TBC1D2B: variants seen among roughly 807,000 people sequenced by gnomAD.
The protein encoded by TBC1D2B is TBC1 domain family member 2B.
TBC1D2B carries 64 observed loss-of-function variants against 100.8 expected under a neutral mutation model. The observed-to-expected ratio is 0.64, with a 90% confidence interval of 0.52 to 0.78. The LOEUF (loss-of-function observed/expected upper bound fraction) is 0.78. Ranked by LOEUF, TBC1D2B falls within the 30% of genes least tolerant of loss-of-function variation. The probability of loss-of-function intolerance (pLI) is 0.00; values close to 1 mark genes in which losing one functional copy is unlikely to be tolerated. For synonymous variants in TBC1D2B, 480 were observed against 479.7 expected, an observed-to-expected ratio of 1.00 and a Z score of -0.01; for missense variants, 1,052 against 1,218.4, an observed-to-expected ratio of 0.86 and a Z score of 2.03.
intron 1 of TBC1D2B, 80 bp downstream of exon 1, chr15:78,077,213 G>T: frequency 7.2e-7 from 1 of 1,389,400 alleles, no homozygotes; most frequent in South Asian, 1.6e-5. Context: ...GGAGGAAGGA[G>T]GGTGGATGGC....
At chr15:78,008,800 G>A (rs1229054087) in intron 10 of TBC1D2B, among the ~76,000 whole-genome samples, 197 bp downstream of exon 10, 1 of 152,188 alleles carries the variant, frequency 6.6e-6, no homozygotes, top group Admixed American at 6.5e-5. Context: ...GGCTGAATGA[G>A]CCCAACTCGG....
chr15:78,031,545 C>G (rs2072809437), intron 3 of TBC1D2B, among the ~76,000 whole-genome samples: 1 of 59,852 alleles, frequency 1.7e-5, no homozygotes, highest in Non-Finnish European at 3.3e-5. Flanking sequence ...TAGAGCAAGA[C>G]TCTGTCTCCA....
chr15:78,039,487 G>A (rs1323150192), intron 3 of TBC1D2B, among the ~76,000 whole-genome samples: 2 of 152,176 alleles, frequency 1.3e-5, no homozygotes, highest in Non-Finnish European at 2.9e-5. Context: ...ATGGGAGGCA[G>A]GCCTGGAAGG....
At chr15:78,013,687 C>T (rs931397815) in intron 8 of TBC1D2B, among the ~76,000 whole-genome samples, 2 of 151,934 alleles carry the variant, frequency 1.3e-5, no homozygotes, top group Admixed American at 6.6e-5. Flanking sequence ...ATATACACTA[C>T]ATATGTATAA....
intron 9 of TBC1D2B, among the ~76,000 whole-genome samples, chr15:78,012,281 A>G (rs115040954): frequency 0.012 from 1,871 of 152,306 alleles, 55 homozygotes; most frequent in African/African-American, 0.043. Flanking sequence ...CAGGAGGATG[A>G]GCCTACATCA....
intron 1 of TBC1D2B, among the ~76,000 whole-genome samples, chr15:78,054,438 CA>C (rs1190933644): frequency 1.3e-5 from 2 of 152,318 alleles, no homozygotes; most frequent in African/African-American, 4.8e-5. Flanking sequence ...AAGAATAATG[CA>C]GTATAACATT....
chr15:78,018,616 C>T (rs942601382), intron 6 of TBC1D2B, among the ~76,000 whole-genome samples: 1 of 152,148 alleles, frequency 6.6e-6, no homozygotes, highest in Admixed American at 6.5e-5. Context: ...TATAAAAGAA[C>T]ATAACAAGCT....
At chr15:78,053,805 G>A (rs187220150) in intron 2 of TBC1D2B, 11 of 448,618 alleles carry the variant, frequency 2.5e-5, no homozygotes, top group Middle Eastern at 5.9e-4. Flanking sequence ...GACCTTAGTC[G>A]TATCTTCCAT....
chr15:78,015,642 A>G, intron 8 of TBC1D2B, among the ~76,000 whole-genome samples: 1 of 152,176 alleles, frequency 6.6e-6, no homozygotes, highest in East Asian at 1.9e-4. Context: ...CACCACTCAC[A>G]GGCTGGGTGA....
intron 11 of TBC1D2B, chr15:78,001,991 A>G: frequency 3.6e-6 from 1 of 276,420 alleles, no homozygotes; most frequent in Non-Finnish European, 6.7e-6. Flanking sequence ...CTTATAGGAG[A>G]TCTTTGTGGA....
At chr15:78,069,366 A>G (rs2141843679) in intron 1 of TBC1D2B, among the ~76,000 whole-genome samples, 1 of 152,320 alleles carries the variant, frequency 6.6e-6, no homozygotes, top group African/African-American at 2.4e-5. Context: ...CACAACACCC[A>G]CCACTCAGAA....
chr15:78,016,752 T>G lies in TBC1D2B; in HGVS notation c.1582-13A>C, dbSNP rs769846247. On this transcript the variant is annotated splice_polypyrimidine_tract_variant and intron_variant, in intron 7 of 12. Coordinates refer to ENST00000300584, the MANE Select transcript of TBC1D2B (RefSeq NM_144572.2). The stretch of plus-strand genomic sequence containing the variant: ...CCAGGCTAGAATACTGCAGAGAATG[T>G]GGTGGTTACCTCCATTCAGACAGAG... 2 of 1,512,962 alleles carry G rather than the reference T, an allele frequency of 1.3e-6. No individual in the cohort carries two copies. The highest frequency in any genetic ancestry group is 2.8e-5 in the African/African-American group (2 of 71,368). The allele number at this position is 1,512,962 out of a possible 1,614,324, so 93.7% of individuals were successfully genotyped here. A position where few individuals can be genotyped will look rare whatever the true frequency, so the allele number is the denominator to read the frequency against.
At chr15:78,047,218 G>A (rs1329709647) in intron 2 of TBC1D2B, among the ~76,000 whole-genome samples, 3 of 149,774 alleles carry the variant, frequency 2.0e-5, no homozygotes, top group African/African-American at 7.4e-5. Flanking sequence ...GGCCTGGAGT[G>A]CAGTGGTGTG....
rs1306743043 is a variant in TBC1D2B, at chr15:77,998,408, T to G, written c.2697-53A>C. On this transcript the variant is annotated intron_variant, in intron 12 of 12. Transcript: ENST00000300584. ...GAATCAGCGGCGCTCCAGAGAGTGCTCACACACAGCCCTCACAGGCATAGC... is the reference window on the plus strand; with the variant it reads ...GAATCAGCGGCGCTCCAGAGAGTGCGCACACACAGCCCTCACAGGCATAGC... The G allele has an allele frequency of 4.7e-6, 7 of 1,488,178 alleles. No homozygotes were observed. The East Asian group carries it at 1.8e-4, about 38-fold the overall frequency. 92.2% of individuals were successfully genotyped at this position (1,488,178 alleles called of 1,614,324 possible).
Position 78,012,953 on chromosome 15 carries a change from A to C in TBC1D2B, c.2140T>G (p.Leu714Val), listed in dbSNP as rs1215452218. 1.3e-6 allele frequency: 2 copies of C among 1,570,346 alleles called. No individual in the cohort carries two copies. Among genetic ancestry groups the C allele is most frequent in the Non-Finnish European group, 1.7e-6 (2 of 1,155,222 alleles). Reference protein sequence around the residue: ...NPASKQIELDLLRTLPNNKHY... With the variant: ...NPASKQIELDVLRTLPNNKHY... ...TTGTTGTTGGGCAGAGTTCGCAGCA[A>C]GTCCAGCTCAATCTGCTTGGAGGCT... The change falls in exon 9 of 13, where the codon TTG becomes GTG. Residue 714 changes from leucine to valine, a missense_variant. Coordinates refer to ENST00000300584, the MANE Select transcript of TBC1D2B (RefSeq NM_144572.2).
Position 78,009,100 on chromosome 15 carries a change from G to A in TBC1D2B, c.2285C>T (p.Ala762Val). The change falls in exon 10 of 13, where the codon GCC becomes GTC. Residue 762 changes from alanine (A) to valine (V), a missense_variant. Transcript: ENST00000300584. ...ATCTTCTTGTTCCAGGTACAGGAGG[G>A]CCACTGCCACCAACCTACAAGCAAA... ...CQGLNRLVAVALLYLEQEDAF... is the reference protein window; with the variant it reads ...CQGLNRLVAVVLLYLEQEDAF... 1 of 1,601,018 alleles carries A rather than the reference G, an allele frequency of 6.2e-7. No individual in the cohort carries two copies. Among genetic ancestry groups the A allele is most frequent in the South Asian group, 1.1e-5 (1 of 88,542 alleles).
intron 8 of TBC1D2B, among the ~76,000 whole-genome samples, 160 bp from the exon 9 acceptor site, chr15:78,013,477 A>G (rs2072289220): frequency 6.6e-6 from 1 of 152,234 alleles, no homozygotes; most frequent in African/African-American, 2.4e-5. Context: ...ACTTCTCAGT[A>G]TATAAAGCTA....
At chr15:78,061,465 C>G (rs2073543973) in intron 1 of TBC1D2B, among the ~76,000 whole-genome samples, 1 of 151,728 alleles carries the variant, frequency 6.6e-6, no homozygotes, top group Non-Finnish European at 1.5e-5. Context: ...CCCAGCTACT[C>G]AGAAGGCTGA....
chr15:78,035,308 C>T lies in TBC1D2B; in HGVS notation c.684-5138G>A, dbSNP rs77628965. ...ATGTCTAACTAAAACAGTAATAACT[C>T]GTTCGACATTCGTTTGGATTCTGAT... is the stretch of plus-strand genomic sequence containing the variant. On this transcript the variant is annotated intron_variant, in intron 3 of 12. Coordinates refer to ENST00000300584, the MANE Select transcript of TBC1D2B (RefSeq NM_144572.2). Among the ~76,000 whole-genome samples, 531 of 152,350 alleles carry T rather than the reference C, an allele frequency of 3.5e-3. 2 individuals are homozygous for T. Among genetic ancestry groups the T allele is most frequent in the African/African-American group, 0.012 (484 of 41,570 alleles).
Sources: gnomAD v4.1 joint callset for allele counts (sites outside exome capture counted in the v4.1 genomes callset) on GRCh38, gnomAD v4.1.1 for gene constraint, MANE v1.5 for transcripts, NCBI Gene and HGNC (gene_info 2026-07-23, HGNC 2026-07-21) for gene names.